DDHD2: variants seen among roughly 807,000 people sequenced by gnomAD.
DDHD2 encodes triacylglycerol hydrolase DDHD2.
Under a neutral mutation model 91.2 loss-of-function variants are expected in DDHD2, and 62 were observed. The ratio of observed to expected loss-of-function variants is 0.68; its 90% CI spans 0.55 to 0.84. The LOEUF (loss-of-function observed/expected upper bound fraction) is 0.84. DDHD2 is among the 40% of genes least tolerant of loss of function. DDHD2 has a pLI of 0.00. For synonymous variants in DDHD2, 271 were observed against 293.9 expected, an observed-to-expected ratio of 0.92 and a Z score of 0.80; for missense variants, 740 against 846.9, an observed-to-expected ratio of 0.87 and a Z score of 1.57.
At chr8:38,266,293 GC>G (rs746102701), downstream of DDHD2, 63 of 1,612,870 alleles carry the variant, frequency 3.9e-5, no homozygotes, top group African/African-American at 7.3e-4. Context: ...GGACGCAAAG[GC>G]CAGACCAGCA....
At position 38,249,899 on chromosome 8, in the gene DDHD2, A is replaced by G. The variant is rs577488324; in HGVS notation, c.1344+96A>G. 85 of 775,716 alleles carry G rather than the reference A, an allele frequency of 1.1e-4. 1 individual carries two copies. The African/African-American group carries it at 1.4e-3, about 13-fold the overall frequency. 48.1% of individuals were successfully genotyped at this position (775,716 alleles called of 1,614,324 possible). On this transcript the variant is annotated intron_variant, in intron 11 of 17. Coordinates refer to ENST00000397166, the MANE Select transcript of DDHD2 (RefSeq NM_015214.3). ...GGATGTTTACTCTGGGGAGCCAAGC[A>G]GTTTTTTGGTAATTGATCTTTGGCT...
At chr8:38,232,909 GATTA>G in intron 1 of DDHD2, 74 bp from the exon 2 acceptor site, 1 of 906,958 alleles carries the variant, frequency 1.1e-6, no homozygotes, top group Non-Finnish European at 1.7e-6. Flanking sequence ...TCCGTAAAAT[GATTA>G]GTTTTGTGCG....
At chr8:38,255,343 A>G (rs780356386) in intron 16 of DDHD2, 9 of 510,434 alleles carry the variant, frequency 1.8e-5, no homozygotes, top group Admixed American at 8.0e-5. Flanking sequence ...AGGGGCTAAA[A>G]TAATGCTAAG....
chr8:38,233,926 T>C (rs1804489205), intron 2 of DDHD2, among the ~76,000 whole-genome samples: 1 of 127,624 alleles, frequency 7.8e-6, no homozygotes, highest in South Asian at 2.3e-4. Flanking sequence ...GAGACTTGTC[T>C]CAAAAAAAAA....
chr8:38,262,804 G>T lies in DDHD2; in HGVS notation c.*2231G>T, dbSNP rs539108352. ...GGCCTACTTTTACCTGGACTCACCC[G>T]TCTCAAAGTCAAGAAAATCAGTACA... On this transcript the variant is annotated 3_prime_UTR_variant, in exon 18 of 18. Coordinates refer to ENST00000397166, the MANE Select transcript of DDHD2 (RefSeq NM_015214.3). 1 of 152,128 alleles carries T rather than the reference G, an allele frequency of 6.6e-6. No homozygotes were observed. The highest frequency in any genetic ancestry group is 6.5e-5 in the Admixed American group (1 of 15,272). The allele number at this position is 152,128 out of a possible 1,614,324, so 9.4% of individuals were successfully genotyped here.
At chr8:38,253,173 G>A in intron 15 of DDHD2, 46 bp downstream of exon 15, 1 of 1,528,850 alleles carries the variant, frequency 6.5e-7, no homozygotes, top group Non-Finnish European at 8.8e-7. Context: ...TAAGAGGGAT[G>A]CCATGGTGTG....
At chr8:38,255,770 C>G (rs1806468092) in intron 16 of DDHD2, among the ~76,000 whole-genome samples, 1 of 151,916 alleles carries the variant, frequency 6.6e-6, no homozygotes, top group Non-Finnish European at 1.5e-5. Flanking sequence ...TACTCATGGA[C>G]TTTCAGGTTT....
intron 1 of DDHD2, chr8:38,269,233 G>A (rs1808318621): frequency 6.9e-7 from 1 of 1,446,444 alleles, no homozygotes; most frequent in Non-Finnish European, 9.0e-7. Flanking sequence ...CTGCGCTGAC[G>A]TGGCCACCTC....
chr8:38,271,096 T>C (rs891505090), intron 1 of DDHD2: 2 of 152,156 alleles, frequency 1.3e-5, no homozygotes, highest in African/African-American at 4.8e-5. Context: ...AAAAAGTATT[T>C]GTAAAAATGC....
chr8:38,253,404 T>C, intron 15 of DDHD2, 152 bp from the exon 16 acceptor site: 1 of 783,992 alleles, frequency 1.3e-6, no homozygotes, highest in Non-Finnish European at 2.0e-6. Context: ...GAGAAGGAGC[T>C]TGAAGGAGAT....
chr8:38,265,111 C>G, downstream of DDHD2: 3 of 593,306 alleles, frequency 5.1e-6, no homozygotes, highest in Admixed American at 3.0e-5. Context: ...ACTAAAAATA[C>G]AAAAATTAGC....
chr8:38,239,512 C>G (rs972236537), intron 5 of DDHD2, among the ~76,000 whole-genome samples: 2 of 150,536 alleles, frequency 1.3e-5, no homozygotes, highest in South Asian at 4.2e-4. Flanking sequence ...GGTGAAACAC[C>G]CTGTCTCTAC....
rs2130834111 is a variant in DDHD2, at chr8:38,249,604, A to G, written c.1249-104A>G. The G allele has an allele frequency of 1.0e-5, 6 of 594,308 alleles. No individual in the cohort carries two copies. The South Asian group carries it at 1.4e-4, about 14-fold the overall frequency. The allele number at this position is 594,308 out of a possible 1,614,324, so 36.8% of individuals were successfully genotyped here. On this transcript the variant is annotated intron_variant, in intron 10 of 17. Transcript: ENST00000397166. ...AGTTATTCTATGATGTTTTACTACTAGAGAGACAGGCAGCAACAGAGTGCC... is the reference window on the plus strand; with the variant it reads ...AGTTATTCTATGATGTTTTACTACTGGAGAGACAGGCAGCAACAGAGTGCC...
Position 38,253,065 on chromosome 8 carries a change from A to G in DDHD2, c.1829A>G (p.Gln610Arg). Residue 610 changes from glutamine (Q) to arginine (R), a missense_variant, in exon 15 of 18, where the codon CAA becomes CGA. Transcript: ENST00000397166. ...SFTRAPYPAL[Q>R]ASETPEETEA... ...ACCAGAGCTCCATACCCTGCCTTACAAGCTTCAGAAACACCAGAAGAAACT... is the reference window on the plus strand; with the variant it reads ...ACCAGAGCTCCATACCCTGCCTTACGAGCTTCAGAAACACCAGAAGAAACT... The G allele has an allele frequency of 6.2e-7, 1 of 1,614,178 alleles. No homozygotes were observed. Among genetic ancestry groups the G allele is most frequent in the Non-Finnish European group, 8.5e-7 (1 of 1,180,028 alleles).
rs1805098675 is a variant in DDHD2, at chr8:38,239,742, A to T, written c.623-533A>T. 3.7e-5 allele frequency among the ~76,000 whole-genome samples: 5 copies of T among 136,186 alleles called. No individual in the cohort carries two copies. The South Asian group carries it at 1.3e-3, about 35-fold the overall frequency. The allele number at this position is 136,186 out of a possible 152,430, so 89.3% of individuals were successfully genotyped here. On this transcript the variant is annotated intron_variant, in intron 5 of 17. Transcript: ENST00000397166. ...AAAAAAAAAGAGTTTTTTTTTTTGGAGACAGAGTCTTGCTCTGTCACCCAG... is the reference window on the plus strand; with the variant it reads ...AAAAAAAAAGAGTTTTTTTTTTTGGTGACAGAGTCTTGCTCTGTCACCCAG...
intron 1 of DDHD2, chr8:38,268,958 A>G: frequency 6.4e-7 from 1 of 1,566,680 alleles, no homozygotes; most frequent in Non-Finnish European, 8.6e-7. Flanking sequence ...CGGCTGGATG[A>G]GTCTCTGGAA....
At chr8:38,270,360 C>T (rs1808409030) in intron 1 of DDHD2, 1 of 152,156 alleles carries the variant, frequency 6.6e-6, no homozygotes, top group Admixed American at 6.5e-5. Flanking sequence ...CTGTAGGTAT[C>T]TGTGTTTGTT....
chr8:38,241,523 T>A (rs1253209900), intron 6 of DDHD2, among the ~76,000 whole-genome samples: 1 of 151,800 alleles, frequency 6.6e-6, no homozygotes, highest in Admixed American at 6.6e-5. Flanking sequence ...CGGGTTCAAG[T>A]GATTATCCTG....
At chr8:38,233,260 T>A in intron 2 of DDHD2, 46 bp downstream of exon 2, 1 of 1,465,860 alleles carries the variant, frequency 6.8e-7, no homozygotes, top group Non-Finnish European at 9.4e-7. Context: ...TCTCCCCTCT[T>A]CAAACTATAA....
Sources: allele counts gnomAD v4.1 joint callset (sites outside exome capture counted in the v4.1 genomes callset), GRCh38; gene constraint gnomAD v4.1.1; transcripts MANE v1.5; gene names NCBI Gene and HGNC (gene_info 2026-07-23, HGNC 2026-07-21).